MICOS10: variants seen among roughly 807,000 people sequenced by gnomAD.
MICOS10 encodes the protein mitochondrial contact site and cristae organizing system subunit 10, also known as MICOS complex subunit MIC10.
In MICOS10, 5 loss-of-function variants were observed where a neutral mutation model predicts 13.4. The ratio of observed to expected loss-of-function variants is 0.37; its 90% confidence interval spans 0.20 to 0.78. The LOEUF (loss-of-function observed/expected upper bound fraction) is 0.78, where lower values mean the gene tolerates loss of function less well. MICOS10 is among the 30% of genes least tolerant of loss of function. The pLI, the probability that MICOS10 is intolerant of heterozygous loss-of-function variation, is 0.47. For synonymous variants in MICOS10, 35 were observed against 33.6 expected, an observed-to-expected ratio of 1.04 and a Z score of -0.15; for missense variants, 101 against 94.6, an observed-to-expected ratio of 1.07 and a Z score of -0.28.
In MICOS10 at chr1:19,626,740, C is replaced by T. The variant is rs2094923393; in HGVS notation, c.*339C>T. The T allele has an allele frequency of 3.7e-6, 1 of 267,492 alleles. No homozygotes were observed. The highest frequency in any genetic ancestry group is 7.4e-6 in the Non-Finnish European group (1 of 135,588). 16.6% of individuals were successfully genotyped at this position (267,492 alleles called of 1,614,324 possible). ...TGCTCACAGCCTCTCTGAGAACCCC[C>T]TGAAACCAGTTGTTGGGTATCCTTC... On this transcript the variant is annotated 3_prime_UTR_variant, in exon 4 of 4. Transcript: ENST00000322753.
At chr1:19,603,722 CT>C (rs1207517471) in intron 1 of MICOS10, among the ~76,000 whole-genome samples, 1 of 152,180 alleles carries the variant, frequency 6.6e-6, no homozygotes, top group Non-Finnish European at 1.5e-5. Context: ...TATGGCAACT[CT>C]GTATTTTAGC....
At chr1:19,608,007 G>GA (rs1323685391) in intron 1 of MICOS10, 2 of 630,344 alleles carry the variant, frequency 3.2e-6, no homozygotes, top group African/African-American at 1.8e-5. Flanking sequence ...TCCATATAGA[G>GA]AAAAAAATGA....
At chr1:19,602,321 A>C (rs1386171965) in intron 1 of MICOS10, among the ~76,000 whole-genome samples, 2 of 152,238 alleles carry the variant, frequency 1.3e-5, no homozygotes, top group African/African-American at 4.8e-5. Context: ...AAAAACTCCA[A>C]GTAAAGTAGA....
chr1:19,598,282 T>C (rs1419966698), intron 1 of MICOS10: 2 of 152,230 alleles, frequency 1.3e-5, no homozygotes, highest in East Asian at 3.8e-4. Context: ...ATTATTACTA[T>C]CTCATGGAGT....
intron 3 of MICOS10, 128 bp downstream of exon 3, chr1:19,623,711 A>G: frequency 1.5e-6 from 1 of 659,232 alleles, no homozygotes; most frequent in Non-Finnish European, 2.6e-6. Context: ...CTCAGATACT[A>G]ATTGCTCTTT....
Sources: allele counts gnomAD v4.1 joint callset (sites outside exome capture counted in the v4.1 genomes callset), GRCh38; gene constraint gnomAD v4.1.1; transcripts MANE v1.5; gene names NCBI Gene and HGNC (gene_info 2026-07-23, HGNC 2026-07-21).